Variants in TIAM2 observed in about 807,000 individuals in gnomAD.
The protein encoded by TIAM2 is rho guanine nucleotide exchange factor TIAM2.
In TIAM2, 80 loss-of-function variants were observed where a neutral mutation model predicts 152.9. The ratio of observed to expected loss-of-function variants is 0.52; its 90% confidence interval spans 0.44 to 0.63. TIAM2 has a LOEUF of 0.63. TIAM2 is among the 30% of genes least tolerant of loss of function. The pLI is 0.00. For synonymous variants in TIAM2, 804 were observed against 838.0 expected (o/e 0.96, Z 0.70); for missense variants, 1,965 against 2,120.1 (o/e 0.93, Z 1.44).
intron 9 of TIAM2, chr6:155,168,900 C>T (rs945132101): frequency 7.8e-6 from 12 of 1,535,542 alleles, no homozygotes; most frequent in Non-Finnish European, 1.0e-5. Flanking sequence ...CCTCAAAACT[C>T]CAGTAACTCC....
chr6:155,081,251 A>G (rs546766618), intron 1 of TIAM2, among the ~76,000 whole-genome samples: 7 of 152,244 alleles, frequency 4.6e-5, no homozygotes, highest in Admixed American at 6.5e-5. Flanking sequence ...AATGACTGGC[A>G]TCTCCATCTG....
At chr6:155,148,711 C>T (rs1016232657) in intron 7 of TIAM2, among the ~76,000 whole-genome samples, 2 of 152,094 alleles carry the variant, frequency 1.3e-5, no homozygotes, top group South Asian at 4.1e-4. Flanking sequence ...AATACAATAG[C>T]TTTGGAAAAC....
Position 154,995,694 on chromosome 6 carries a change from G to C in TIAM2, c.-209+202G>C, listed in dbSNP as rs1323322679. On this transcript the variant is annotated intron_variant, in intron 1 of 26. Transcript: ENST00000682666. The surrounding 1 kb of genome is among the most constrained non-coding windows in gnomAD (Gnocchi z 5.2). ...GGCGCGGCCTGGCACCCTCTCCCCG[G>C]AGGGCGGCAGCGTCCGGGCACAGCC... 6.6e-6 allele frequency among the ~76,000 whole-genome samples: 1 copy of C among 152,094 alleles called. No individual in the cohort carries two copies. Among genetic ancestry groups the C allele is most frequent in the Admixed American group, 6.5e-5 (1 of 15,284 alleles).
intron 1 of TIAM2, among the ~76,000 whole-genome samples, chr6:155,030,920 G>A (rs902412676): frequency 2.0e-5 from 3 of 152,114 alleles, no homozygotes; most frequent in Admixed American, 2.0e-4. Flanking sequence ...TAAAAGGTAA[G>A]GATTCCTCTG....
In TIAM2 at chr6:155,245,613, G is replaced by A; in HGVS notation, c.3544-10G>A. On this transcript the variant is annotated splice_polypyrimidine_tract_variant and intron_variant, in intron 18 of 26. Coordinates refer to ENST00000682666, the MANE Select transcript of TIAM2 (RefSeq NM_012454.4). ...CATGTCTGATTTGACTTTCCCCTCT[G>A]CCCTTCTAGAAATTACTGTTTTCCC... is the stretch of plus-strand genomic sequence containing the variant. 2 of 1,608,210 alleles carry A rather than the reference G, an allele frequency of 1.2e-6. No homozygotes were observed. The highest frequency in any genetic ancestry group is 1.3e-5 in the African/African-American group (1 of 74,882).
At chr6:155,008,039 C>T (rs988087671) in intron 1 of TIAM2, among the ~76,000 whole-genome samples, 4 of 152,090 alleles carry the variant, frequency 2.6e-5, no homozygotes, top group Non-Finnish European at 4.4e-5. Context: ...TGGGTTGTTC[C>T]GAAATATGTG....
chr6:155,173,804 A>G (rs903838340), intron 9 of TIAM2, among the ~76,000 whole-genome samples: 1 of 152,224 alleles, frequency 6.6e-6, no homozygotes, highest in Non-Finnish European at 1.5e-5. Context: ...TACCAGGGAC[A>G]TAGGAGAGTA....
chr6:155,105,595 T>A (rs551057023), intron 2 of TIAM2, among the ~76,000 whole-genome samples: 1 of 151,996 alleles, frequency 6.6e-6, no homozygotes, highest in African/African-American at 2.4e-5. Context: ...CAGGCTTGGC[T>A]AATTTTTTTT....
At chr6:155,093,673 G>A (rs1005446769) in intron 2 of TIAM2, among the ~76,000 whole-genome samples, 2 of 152,174 alleles carry the variant, frequency 1.3e-5, no homozygotes, top group African/African-American at 2.4e-5. Context: ...TCTCAGGGCC[G>A]GATGTGGTGT....
intron 1 of TIAM2, among the ~76,000 whole-genome samples, chr6:155,059,357 T>C (rs894094884): frequency 6.6e-6 from 1 of 151,532 alleles, no homozygotes; most frequent in African/African-American, 2.4e-5. Flanking sequence ...AGAGTCTCAC[T>C]CTGTTGCCCA....
intron 1 of TIAM2, among the ~76,000 whole-genome samples, chr6:155,047,179 T>C (rs1777193748): frequency 6.6e-6 from 1 of 152,146 alleles, no homozygotes; most frequent in African/African-American, 2.4e-5. Flanking sequence ...AGTTCCTTTT[T>C]ATTTTACTTT....
At position 155,223,009 on chromosome 6, in the gene TIAM2, T is replaced by C. The variant is rs557767275; in HGVS notation, c.3168+11702T>C. Among the ~76,000 whole-genome samples the C allele has an allele frequency of 2.2e-4, 33 of 152,344 alleles. No individual in the cohort carries two copies. In the South Asian group the frequency reaches 4.6e-3, roughly 21 times the overall value. ...GATGGTTAGATACCGTATTTCCAGA[T>C]GCTCTCTGCTCTTTTATGCACTTAC... On this transcript the variant is annotated intron_variant, in intron 15 of 26. Transcript: ENST00000682666.
chr6:155,000,322 C>T (rs986758825), intron 1 of TIAM2, among the ~76,000 whole-genome samples: 1 of 151,894 alleles, frequency 6.6e-6, no homozygotes, highest in African/African-American at 2.4e-5. Flanking sequence ...CACCTGAGGT[C>T]GGGAGTTCAA....
intron 7 of TIAM2, among the ~76,000 whole-genome samples, chr6:155,154,586 G>A (rs1011044195): frequency 6.6e-6 from 1 of 152,172 alleles, no homozygotes; most frequent in Non-Finnish European, 1.5e-5. Context: ...TACTTTATTT[G>A]CCTTTCTGCT....
At chr6:155,015,528 G>C (rs940924266) in intron 1 of TIAM2, among the ~76,000 whole-genome samples, 12 of 152,160 alleles carry the variant, frequency 7.9e-5, no homozygotes, top group Non-Finnish European at 1.6e-4. Context: ...CTTGTTTTCT[G>C]CTTAAATTTT....
chr6:155,086,754 A>C (rs75885316), intron 1 of TIAM2, among the ~76,000 whole-genome samples: 4,349 of 150,826 alleles, frequency 0.029, 208 homozygotes, highest in African/African-American at 0.1. Context: ...AATGACCAGT[A>C]GTTAAGCTGC....
At chr6:155,196,932 A>T (rs1781359697) in intron 14 of TIAM2, among the ~76,000 whole-genome samples, 1 of 152,270 alleles carries the variant, frequency 6.6e-6, no homozygotes, top group Non-Finnish European at 1.5e-5. Context: ...GGAAAATGTG[A>T]CAAAGTTCAA....
At chr6:155,164,336 T>G (rs1231327315) in intron 7 of TIAM2, 79 bp from the exon 8 acceptor site, 4 of 1,377,398 alleles carry the variant, frequency 2.9e-6, no homozygotes, top group African/African-American at 1.4e-5. Context: ...TCTTCAAGTT[T>G]GTGAAAGGGA....
intron 22 of TIAM2, among the ~76,000 whole-genome samples, chr6:155,251,538 C>T (rs1783654361): frequency 6.6e-6 from 1 of 152,168 alleles, no homozygotes. Context: ...CCACCTGCCT[C>T]AGCCTCCTGG....
Sources: allele counts gnomAD v4.1 joint callset (sites outside exome capture counted in the v4.1 genomes callset), GRCh38; gene constraint gnomAD v4.1.1; non-coding constraint Gnocchi (gnomAD v3.1); transcripts MANE v1.5; gene names NCBI Gene and HGNC (gene_info 2026-07-23, HGNC 2026-07-21).